Variants in KIF5C observed in about 807,000 individuals in gnomAD.
KIF5C encodes the protein kinesin heavy chain isoform 5C.
A neutral mutation model predicts 125.2 loss-of-function variants in KIF5C; 18 were observed. The observed-to-expected ratio is 0.14, with a 90% CI of 0.10 to 0.21. The LOEUF (loss-of-function observed/expected upper bound fraction) is 0.21, where lower values mean the gene tolerates loss of function less well. Among genes scored for constraint, KIF5C ranks in the 10% least tolerant of loss-of-function variants. The pLI is 1.00. For missense variants in KIF5C, 780 were observed against 1,183.8 expected (o/e 0.66, Z 5.01); for synonymous variants, 405 against 434.0 (o/e 0.93, Z 0.83).
chr2:148,997,207 T>G (rs1195914251), intron 17 of KIF5C, 57 bp from the exon 18 acceptor site: 59 of 1,570,634 alleles, frequency 3.8e-5, no homozygotes, highest in Non-Finnish European at 5.1e-5. Flanking sequence ...TAATTTTTGC[T>G]TTTGGGTGTG....
intron 1 of KIF5C, among the ~76,000 whole-genome samples, chr2:148,893,204 A>G (rs1681755378): frequency 1.3e-5 from 2 of 152,138 alleles, no homozygotes; most frequent in African/African-American, 2.4e-5. Flanking sequence ...GTAGTCTTGG[A>G]ATACAATTCC....
rs78130083 is a variant in KIF5C at position 148,877,672 on chromosome 2, C to A, written c.126+1929C>A. On this transcript the variant is annotated intron_variant, in intron 1 of 25. Coordinates refer to ENST00000435030, the MANE Select transcript of KIF5C (RefSeq NM_004522.3). Reference sequence around the variant, plus strand: ...GCAGTACTGGAACATGTTCTGGCAACCCTATTTTTTTCCCAGAGGTTTTGA... The same window carrying A: ...GCAGTACTGGAACATGTTCTGGCAAACCTATTTTTTTCCCAGAGGTTTTGA... Among the ~76,000 whole-genome samples the A allele has an allele frequency of 6.2e-3, 946 of 152,226 alleles. 8 individuals are homozygous for A. Among genetic ancestry groups the A allele is most frequent in the Non-Finnish European group, 0.01 (691 of 68,022 alleles).
At chr2:148,918,844 C>T (rs747769655) in intron 1 of KIF5C, among the ~76,000 whole-genome samples, 5 of 151,948 alleles carry the variant, frequency 3.3e-5, no homozygotes, top group South Asian at 2.1e-4. Flanking sequence ...TAGTTAGGAG[C>T]GAGAATTAAG....
chr2:148,961,913 A>G, intron 10 of KIF5C, 58 bp from the exon 11 acceptor site: 4 of 1,557,666 alleles, frequency 2.6e-6, no homozygotes, highest in South Asian at 1.2e-5. Context: ...GCTTAATCAT[A>G]TTGGTTTAGC....
chr2:148,883,471 A>C (rs1416886468), intron 1 of KIF5C: 1 of 152,194 alleles, frequency 6.6e-6, no homozygotes, highest in East Asian at 1.9e-4. Flanking sequence ...ACTGCACTCC[A>C]GCCTGGGCGA....
chr2:148,964,763 G>A (rs374414423), intron 11 of KIF5C, among the ~76,000 whole-genome samples: 1 of 152,158 alleles, frequency 6.6e-6, no homozygotes, highest in Admixed American at 6.5e-5. Context: ...AGGGAGCACT[G>A]GCCTGAGATG....
chr2:148,949,471 C>A (rs1682605135), intron 8 of KIF5C, among the ~76,000 whole-genome samples: 1 of 152,108 alleles, frequency 6.6e-6, no homozygotes. Flanking sequence ...TTCATGCTTC[C>A]CTCTGGGCTC....
At chr2:148,890,386 A>T (rs1185481227) in intron 1 of KIF5C, among the ~76,000 whole-genome samples, 1 of 152,062 alleles carries the variant, frequency 6.6e-6, no homozygotes, top group East Asian at 1.9e-4. Context: ...CTGTAGTGCC[A>T]TCTGCTTGGG....
chr2:148,890,413 A>G (rs1032533351), intron 1 of KIF5C, among the ~76,000 whole-genome samples: 1 of 152,094 alleles, frequency 6.6e-6, no homozygotes, highest in Non-Finnish European at 1.5e-5. Flanking sequence ...AAGCAGGAAG[A>G]TCACTTGAGC....
intron 1 of KIF5C, among the ~76,000 whole-genome samples, chr2:148,908,940 A>G (rs1681222828): frequency 6.6e-6 from 1 of 152,242 alleles, no homozygotes; most frequent in Admixed American, 6.5e-5. Context: ...ATGGCACAAA[A>G]GCAGTGAAGT....
intron 1 of KIF5C, among the ~76,000 whole-genome samples, chr2:148,905,879 G>C (rs549494634): frequency 2.6e-5 from 4 of 152,214 alleles, no homozygotes; most frequent in Admixed American, 2.0e-4. Context: ...ACGATGGCAG[G>C]CCAAAAAAGA....
At chr2:148,977,544 G>A (rs892332804) in intron 12 of KIF5C, among the ~76,000 whole-genome samples, 2 of 152,184 alleles carry the variant, frequency 1.3e-5, no homozygotes, top group Non-Finnish European at 2.9e-5. Context: ...CTACAAAATA[G>A]TCTTCTAGTT....
At position 148,893,732 on chromosome 2, in the gene KIF5C, A is replaced by G. The variant is rs140613768; in HGVS notation, c.126+17989A>G. ...GATTCCGAATGGGTACACATAATAC[A>G]TGATAAAATGAATGAATGAATGAAT... On this transcript the variant is annotated intron_variant, in intron 1 of 25. Coordinates refer to ENST00000435030, the MANE Select transcript of KIF5C (RefSeq NM_004522.3). Among the ~76,000 whole-genome samples, 156 of 152,326 alleles carry G rather than the reference A, an allele frequency of 1.0e-3. 2 individuals are homozygous for G. Among genetic ancestry groups the G allele is most frequent in the African/African-American group, 3.6e-3 (150 of 41,554 alleles).
chr2:148,968,903 A>G (rs140112125), intron 11 of KIF5C, among the ~76,000 whole-genome samples: 1 of 152,090 alleles, frequency 6.6e-6, no homozygotes, highest in Non-Finnish European at 1.5e-5. Flanking sequence ...CACTGGGCCT[A>G]TTTAATTGGA....
chr2:148,914,522 G>T lies in KIF5C; in HGVS notation c.127-7615G>T, dbSNP rs1195325867. 2.6e-5 allele frequency among the ~76,000 whole-genome samples: 4 copies of T among 152,370 alleles called. No homozygotes were observed. The East Asian group carries it at 5.8e-4, about 22-fold the overall frequency. ...ACACAGTGGGAATTTTGGCAGAAAG[G>T]AAAGAATTCTAGCCTGGTTTCCCGC... On this transcript the variant is annotated intron_variant, in intron 1 of 25. Coordinates refer to ENST00000435030, the MANE Select transcript of KIF5C (RefSeq NM_004522.3).
rs765274412 is a variant in KIF5C, at chr2:148,973,406, C to G, written c.1188C>G (p.Thr396=). ...DQKNLEPCDN[T]PIIDNIAPVV... Reference sequence around the variant, plus strand: ...AGAACCTGGAGCCTTGTGATAACACCCCCATCATAGACAATATTGCTCCTG... The same window carrying G: ...AGAACCTGGAGCCTTGTGATAACACGCCCATCATAGACAATATTGCTCCTG... Residue 396 remains threonine, a synonymous_variant, in exon 12 of 26, where the codon ACC becomes ACG. Transcript: ENST00000435030. The G allele has an allele frequency of 6.2e-7, 1 of 1,613,708 alleles. No individual in the cohort carries two copies. The highest frequency in any genetic ancestry group is 8.5e-7 in the Non-Finnish European group (1 of 1,179,726).
rs1484661116 is a variant in KIF5C at position 149,010,162 on chromosome 2, T to C, written c.2578T>C (p.Cys860Arg). The change falls in exon 24 of 26, where the codon TGT (cysteine) becomes CGT (arginine). Residue 860 changes from cysteine (C) to arginine (R), a missense_variant. By Grantham distance (180) the Cys-to-Arg change is radical. This residue lies in a region of KIF5C where 573 missense variants were observed against 742.6 expected (regional missense o/e 0.77). Coordinates refer to ENST00000435030, the MANE Select transcript of KIF5C (RefSeq NM_004522.3). ...QLVRDNADLR[C>R]ELPKLEKRLR... ...GGTCCGGGACAACGCAGACCTGCGC[T>C]GTGAACTGCCCAAGCTGGAGAAGCG... 1 of 1,552,354 alleles carries C rather than the reference T, an allele frequency of 6.4e-7. No homozygotes were observed. Among genetic ancestry groups the C allele is most frequent in the Non-Finnish European group, 8.7e-7 (1 of 1,147,514 alleles).
chr2:148,935,458 G>A (rs999444782), intron 3 of KIF5C, among the ~76,000 whole-genome samples: 1 of 152,150 alleles, frequency 6.6e-6, no homozygotes, highest in Admixed American at 6.6e-5. Context: ...ATGACATTTG[G>A]CCAGATGGAA....
chr2:148,897,499 G>A lies in KIF5C; in HGVS notation c.126+21756G>A, dbSNP rs189706054. On this transcript the variant is annotated intron_variant, in intron 1 of 25. Coordinates refer to ENST00000435030, the MANE Select transcript of KIF5C (RefSeq NM_004522.3). ...CCTCACAGACATTATAAAAGTATGC[G>A]ATATTTATTAATGCAATAAATATTT... Among the ~76,000 whole-genome samples the A allele has an allele frequency of 4.6e-5, 7 of 152,266 alleles. No homozygotes were observed. In the East Asian group the frequency reaches 5.8e-4, roughly 13 times the overall value.
Sources: allele counts gnomAD v4.1 joint callset (sites outside exome capture counted in the v4.1 genomes callset), GRCh38; gene constraint gnomAD v4.1.1; regional missense constraint gnomAD v4.1.1; transcripts MANE v1.5; gene names NCBI Gene and HGNC (gene_info 2026-07-23, HGNC 2026-07-21).